The following ZNF385B variants were observed in gnomAD, a reference collection of about 807,000 sequenced individuals.
ZNF385B encodes zinc finger protein 385B, also known as zinc finger protein 533.
ZNF385B carries 23 observed loss-of-function variants against 39.2 expected under a neutral mutation model. That is an observed-to-expected ratio of 0.59 (90% CI 0.42 to 0.83). The LOEUF (loss-of-function observed/expected upper bound fraction) is 0.83, where lower values mean the gene tolerates loss of function less well. Among genes scored for constraint, ZNF385B ranks in the 40% least tolerant of loss-of-function variants. The pLI is 0.00. For synonymous variants in ZNF385B, 205 were observed against 222.6 expected (o/e 0.92, Z 0.70); for missense variants, 552 against 598.9 (o/e 0.92, Z 0.82).
intron 3 of ZNF385B, among the ~76,000 whole-genome samples, chr2:179,640,841 A>G (rs939232868): frequency 6.6e-6 from 1 of 152,204 alleles, no homozygotes; most frequent in Non-Finnish European, 1.5e-5. Flanking sequence ...AACAATTTTC[A>G]GTTTCTTCTT....
chr2:179,739,486 A>T (rs1456794732), intron 3 of ZNF385B, among the ~76,000 whole-genome samples: 1 of 152,224 alleles, frequency 6.6e-6, no homozygotes, highest in Admixed American at 6.5e-5. Flanking sequence ...AACTAAGCAT[A>T]GTGGGGTATC....
At chr2:179,477,338 A>G (rs906118283) in intron 6 of ZNF385B, among the ~76,000 whole-genome samples, 1 of 152,162 alleles carries the variant, frequency 6.6e-6, no homozygotes, top group South Asian at 2.1e-4. Context: ...ATACTGATAT[A>G]CTCATTGATA....
At position 179,795,711 on chromosome 2, in the gene ZNF385B, T is replaced by C. The variant is rs73973743; in HGVS notation, c.-154-25039A>G. On this transcript the variant is annotated intron_variant, in intron 1 of 9. Transcript: ENST00000410066. ...TATTACAGTGTTTTGAAATAAGGAA[T>C]GGTCTCAGTGACTTGAGTTGGCTGA... is the stretch of plus-strand genomic sequence containing the variant. 9.4e-3 allele frequency among the ~76,000 whole-genome samples: 1,432 copies of C among 152,306 alleles called. 22 individuals carry two copies. The highest frequency in any genetic ancestry group is 0.022 in the African/African-American group (904 of 41,560).
At chr2:179,812,527 G>A (rs1370614492) in intron 1 of ZNF385B, among the ~76,000 whole-genome samples, 9 of 152,144 alleles carry the variant, frequency 5.9e-5, no homozygotes, top group Non-Finnish European at 1.2e-4. Flanking sequence ...TAATCTAAGT[G>A]AAGTAACACA....
At chr2:179,594,197 C>T (rs536055486) in intron 3 of ZNF385B, among the ~76,000 whole-genome samples, 248 of 152,204 alleles carry the variant, frequency 1.6e-3, no homozygotes, top group African/African-American at 5.6e-3. Context: ...ATTAGTAGTT[C>T]GTTTAGATTA....
At chr2:179,770,150 T>G (rs907709407) in intron 2 of ZNF385B, among the ~76,000 whole-genome samples, 1 of 152,142 alleles carries the variant, frequency 6.6e-6, no homozygotes, top group Non-Finnish European at 1.5e-5. Context: ...TTTCTGACCC[T>G]GGACACAAGG....
chr2:179,686,386 G>A (rs1052530504), intron 3 of ZNF385B, among the ~76,000 whole-genome samples: 2 of 152,240 alleles, frequency 1.3e-5, no homozygotes, highest in South Asian at 2.1e-4. Context: ...CAGTGCCTAC[G>A]ATGTTATAAA....
chr2:179,770,631 A>G lies in ZNF385B; in HGVS notation c.-113T>C, dbSNP rs1703960096. On this transcript the variant is annotated 5_prime_UTR_variant, in exon 2 of 10. Transcript: ENST00000410066. The stretch of plus-strand genomic sequence containing the variant: ...TTTTTCGGTTTCCAGGTTAGCCCAT[A>G]AACATCAATTTAATATTTGATGGAG... The G allele has an allele frequency of 6.6e-6, 1 of 152,268 alleles. No homozygotes were observed. Among genetic ancestry groups the G allele is most frequent in the African/African-American group, 2.4e-5 (1 of 41,476 alleles). 9.4% of individuals were successfully genotyped at this position (152,268 alleles called of 1,614,324 possible).
At chr2:179,833,015 A>C (rs1258312864) in intron 1 of ZNF385B, among the ~76,000 whole-genome samples, 1 of 152,196 alleles carries the variant, frequency 6.6e-6, no homozygotes, top group Non-Finnish European at 1.5e-5. Flanking sequence ...CATTTCTCAG[A>C]GTATATCACT....
intron 1 of ZNF385B, among the ~76,000 whole-genome samples, chr2:179,832,021 C>T (rs148966815): frequency 6.0e-4 from 91 of 152,282 alleles, no homozygotes; most frequent in African/African-American, 1.8e-3. Flanking sequence ...CAAGACTGCC[C>T]GCATATAACA....
At chr2:179,531,025 TA>T (rs1189021501) in intron 4 of ZNF385B, among the ~76,000 whole-genome samples, 1 of 152,020 alleles carries the variant, frequency 6.6e-6, no homozygotes, top group African/African-American at 2.4e-5. Context: ...CTCAATAGAA[TA>T]AAACTCAGTT....
At chr2:179,551,970 T>G (rs1375554777) in intron 3 of ZNF385B, among the ~76,000 whole-genome samples, 1 of 150,186 alleles carries the variant, frequency 6.7e-6, no homozygotes, top group Non-Finnish European at 1.5e-5. Context: ...CTTGCATACA[T>G]TTCACTTTGA....
chr2:179,794,147 T>G (rs748035658), intron 1 of ZNF385B, among the ~76,000 whole-genome samples: 2 of 152,220 alleles, frequency 1.3e-5, no homozygotes, highest in Non-Finnish European at 2.9e-5. Flanking sequence ...GAGGCCAGTC[T>G]TCTGTTTTTA....
At chr2:179,721,067 C>T (rs942490814) in intron 3 of ZNF385B, among the ~76,000 whole-genome samples, 1 of 151,714 alleles carries the variant, frequency 6.6e-6, no homozygotes, top group Non-Finnish European at 1.5e-5. Flanking sequence ...CTATGCCCAG[C>T]CCCTTGAAGT....
chr2:179,641,322 T>G (rs1692249862), intron 3 of ZNF385B, among the ~76,000 whole-genome samples: 1 of 152,128 alleles, frequency 6.6e-6, no homozygotes, highest in Admixed American at 6.6e-5. Context: ...TCACTTTTAA[T>G]TGCCCTTCTC....
intron 3 of ZNF385B, among the ~76,000 whole-genome samples, chr2:179,647,042 C>T (rs1244632219): frequency 6.6e-6 from 1 of 152,164 alleles, no homozygotes; most frequent in African/African-American, 2.4e-5. Context: ...CCGGGTCAGG[C>T]TGACACAAAC....
chr2:179,744,572 G>A (rs1291546668), intron 3 of ZNF385B, among the ~76,000 whole-genome samples: 2 of 152,078 alleles, frequency 1.3e-5, no homozygotes, highest in African/African-American at 2.4e-5. Flanking sequence ...GCTTAGCCAA[G>A]CTTTACGTGT....
At chr2:179,466,897 G>C (rs371558446) in intron 6 of ZNF385B, among the ~76,000 whole-genome samples, 13 of 99,448 alleles carry the variant, frequency 1.3e-4, no homozygotes, top group East Asian at 1.0e-3. Context: ...TTCCAGCCTG[G>C]CAACAGAGCA....
chr2:179,499,965 C>T (rs746162497), intron 5 of ZNF385B, among the ~76,000 whole-genome samples: 2 of 151,830 alleles, frequency 1.3e-5, no homozygotes, highest in African/African-American at 2.4e-5. Flanking sequence ...AATTAACATA[C>T]AAAAATCTGT....
Sources: allele counts gnomAD v4.1 joint callset (sites outside exome capture counted in the v4.1 genomes callset), GRCh38; gene constraint gnomAD v4.1.1; transcripts MANE v1.5; gene names NCBI Gene and HGNC (gene_info 2026-07-23, HGNC 2026-07-21).